PLB1: variants seen among roughly 807,000 people sequenced by gnomAD.
PLB1 encodes the protein phospholipase B1, membrane-associated.
Under a neutral mutation model 227.4 loss-of-function variants are expected in PLB1, and 242 were observed. The observed-to-expected ratio is 1.06, with a 90% CI of 0.96 to 1.18. PLB1 has a LOEUF of 1.18. Ranked by LOEUF, PLB1 falls within the 50% of genes most tolerant of loss-of-function variation. PLB1 has a pLI of 0.00. For synonymous variants in PLB1, 757 were observed against 682.2 expected, an observed-to-expected ratio of 1.11 and a Z score of -1.71; for missense variants, 1,858 against 1,816.3, an observed-to-expected ratio of 1.02 and a Z score of -0.42.
At chr2:28,618,454 C>T (rs557560489) in intron 46 of PLB1, 55 bp downstream of exon 46, 24 of 1,553,196 alleles carry the variant, frequency 1.5e-5, no homozygotes, top group African/African-American at 8.1e-5. Flanking sequence ...CCAGGCCCTG[C>T]GCAGAATCTG....
chr2:28,623,702 C>G (rs1294265942), intron 49 of PLB1, among the ~76,000 whole-genome samples: 1 of 152,188 alleles, frequency 6.6e-6, no homozygotes, highest in Non-Finnish European at 1.5e-5. Flanking sequence ...TCCATGGACA[C>G]TTTCATTGGC....
chr2:28,601,254 A>G lies in PLB1; in HGVS notation c.2529A>G (p.Arg843=). The G allele has an allele frequency of 6.2e-7, 1 of 1,611,882 alleles. No homozygotes were observed. The highest frequency in any genetic ancestry group is 8.5e-7 in the Non-Finnish European group (1 of 1,177,948). The change falls in exon 37 of 58, where the codon AGA becomes AGG. Residue 843 remains arginine (R), a splice_region_variant and synonymous_variant. Transcript: ENST00000327757. ...AGCATTTTCCTCCCTCCATATAGAG[A>G]GTAAATTTCCATGAAGACTGGAAGG... is the stretch of plus-strand genomic sequence containing the variant. ...TLMQKMKDDH[R]VNFHEDWKVI...
intron 12 of PLB1, 36 bp from the exon 13 acceptor site, chr2:28,541,671 G>A (rs749541982): frequency 1.3e-6 from 2 of 1,555,302 alleles, no homozygotes; most frequent in Non-Finnish European, 8.9e-7. Flanking sequence ...CCTCGCTCAT[G>A]TTCCTGGATG....
In PLB1 at chr2:28,592,831, A is replaced by G. The variant is rs1283523709; in HGVS notation, c.2247+112A>G. ...GTCCTCTGCCTTATCTTGCCCCTCT[A>G]CCTGGCTCTGTCAATCCAAGAGCAT... On this transcript the variant is annotated intron_variant, in intron 32 of 57. Coordinates refer to ENST00000327757, the MANE Select transcript of PLB1 (RefSeq NM_153021.5). 7.2e-6 allele frequency: 7 copies of G among 966,554 alleles called. No individual in the cohort carries two copies. The East Asian group carries it at 1.5e-4, about 21-fold the overall frequency. The allele number at this position is 966,554 out of a possible 1,614,324, so 59.9% of individuals were successfully genotyped here.
At chr2:28,601,461 T>G in intron 37 of PLB1, 129 bp downstream of exon 37, 1 of 673,812 alleles carries the variant, frequency 1.5e-6, no homozygotes, top group Non-Finnish European at 2.6e-6. Flanking sequence ...TCTGCACATA[T>G]ACACATACCA....
chr2:28,628,729 C>A, intron 52 of PLB1, 101 bp downstream of exon 52: 2 of 1,174,100 alleles, frequency 1.7e-6, no homozygotes, highest in Non-Finnish European at 1.3e-6. Flanking sequence ...CAGAGACCCG[C>A]CATGAGTGAG....
intron 49 of PLB1, 120 bp downstream of exon 49, chr2:28,621,098 A>G (rs1211888318): frequency 2.2e-5 from 17 of 760,090 alleles, no homozygotes; most frequent in Non-Finnish European, 3.5e-5. Context: ...GCAGCTGTGC[A>G]GGACTTTCTA....
At chr2:28,584,199 T>G (rs571807994) in intron 25 of PLB1, among the ~76,000 whole-genome samples, 1 of 152,324 alleles carries the variant, frequency 6.6e-6, no homozygotes, top group East Asian at 1.9e-4. Flanking sequence ...AGCTGCTGTT[T>G]GCTGAATGAC....
rs1553467868 is a variant in PLB1 at position 28,636,061 on chromosome 2, A to ATGTG, written c.4098+3025_4098+3026insGTGT. ...TGTGTGTATGTATGTGTATGTGTGT[A>ATGTG]TGTATGTATGTATGTATGACAGAGT... On this transcript the variant is annotated intron_variant, in intron 56 of 57. Coordinates refer to ENST00000327757, the MANE Select transcript of PLB1 (RefSeq NM_153021.5). Among the ~76,000 whole-genome samples the ATGTG allele has an allele frequency of 3.6e-3, 508 of 139,988 alleles. 3 individuals are homozygous for ATGTG. Among genetic ancestry groups the ATGTG allele is most frequent in the Non-Finnish European group, 6.0e-3 (373 of 62,026 alleles). The allele number at this position is 139,988 out of a possible 152,430, so 91.8% of individuals were successfully genotyped here. A position where few individuals can be genotyped will look rare whatever the true frequency, so the allele number is the denominator to read the frequency against.
At chr2:28,567,604 G>C (rs1201265239) in intron 20 of PLB1, among the ~76,000 whole-genome samples, 1 of 150,604 alleles carries the variant, frequency 6.6e-6, no homozygotes, top group Non-Finnish European at 1.5e-5. Flanking sequence ...CTCCCGAGTA[G>C]CTGGGACTAC....
chr2:28,606,009 CCTA>C, intron 42 of PLB1, 61 bp downstream of exon 42: 3 of 1,345,888 alleles, frequency 2.2e-6, no homozygotes, highest in Non-Finnish European at 3.2e-6. Flanking sequence ...GGCACCAGCC[CCTA>C]TAGAATGGAG....
chr2:28,520,203 C>T (rs1361700219), intron 4 of PLB1, among the ~76,000 whole-genome samples: 7 of 150,494 alleles, frequency 4.7e-5, no homozygotes, highest in Non-Finnish European at 8.8e-5. Context: ...GCTGGGATTA[C>T]AGGCGTGAGC....
rs184394595 is a variant in PLB1, at chr2:28,575,122, A to C, written c.1433+1817A>C. Among the ~76,000 whole-genome samples the C allele has an allele frequency of 2.4e-3, 371 of 152,364 alleles. 2 individuals are homozygous for C. The highest frequency in any genetic ancestry group is 8.3e-3 in the African/African-American group (347 of 41,590). ...TTCCATGGCGGTTGTACTAGTTTAC[A>C]TTCCCACCAGCAGTGTAAAAGTGTT... On this transcript the variant is annotated intron_variant, in intron 21 of 57. Coordinates refer to ENST00000327757, the MANE Select transcript of PLB1 (RefSeq NM_153021.5).
intron 9 of PLB1, among the ~76,000 whole-genome samples, chr2:28,533,761 A>G (rs574900435): frequency 9.9e-5 from 15 of 152,224 alleles, no homozygotes; most frequent in South Asian, 4.1e-4. Context: ...TGATTTTTCC[A>G]TATACTTCAT....
chr2:28,617,568 A>G (rs1411939499), intron 44 of PLB1, among the ~76,000 whole-genome samples, 159 bp from the exon 45 acceptor site: 1 of 152,156 alleles, frequency 6.6e-6, no homozygotes, highest in African/African-American at 2.4e-5. Flanking sequence ...TTTCCCTCCT[A>G]GCCCACCTAT....
In PLB1 at chr2:28,600,899, C is replaced by G. The variant is rs1439986249; in HGVS notation, c.2526+39C>G. 6 of 1,561,902 alleles carry G rather than the reference C, an allele frequency of 3.8e-6. No individual in the cohort carries two copies. The Admixed American group carries it at 1.0e-4, about 27-fold the overall frequency. On this transcript the variant is annotated intron_variant, in intron 36 of 57. Coordinates refer to ENST00000327757, the MANE Select transcript of PLB1 (RefSeq NM_153021.5). The stretch of plus-strand genomic sequence containing the variant: ...ACTGTTATTTCTAAACATTAATTTT[C>G]TAACCCACTAAAGTTGTCTCCAAAC...
At chr2:28,581,936 G>A (rs1285771150) in intron 23 of PLB1, 132 bp from the exon 24 acceptor site, 33 of 770,558 alleles carry the variant, frequency 4.3e-5, no homozygotes, top group African/African-American at 1.1e-4. Context: ...ACTCCAGCCC[G>A]GGAGACAGAG....
At chr2:28,628,994 T>C (rs1688213911) in intron 52 of PLB1, 100 bp from the exon 53 acceptor site, 1 of 975,686 alleles carries the variant, frequency 1.0e-6, no homozygotes, top group South Asian at 1.6e-5. Context: ...GTTTCTTCAT[T>C]GGTAAAATTG....
chr2:28,581,931 A>C, intron 23 of PLB1, 137 bp from the exon 24 acceptor site: 6 of 716,686 alleles, frequency 8.4e-6, no homozygotes, highest in Non-Finnish European at 1.3e-5. Flanking sequence ...ACTGCACTCC[A>C]GCCCGGGAGA....
Sources: allele counts gnomAD v4.1 joint callset (sites outside exome capture counted in the v4.1 genomes callset), GRCh38; gene constraint gnomAD v4.1.1; transcripts MANE v1.5; gene names NCBI Gene and HGNC (gene_info 2026-07-23, HGNC 2026-07-21).